Variants in CIAO1 observed in about 807,000 individuals in gnomAD.
CIAO1 encodes the protein probable cytosolic iron-sulfur protein assembly protein CIAO1.
In CIAO1, 32 loss-of-function variants were observed where a neutral mutation model predicts 43.1. The observed-to-expected ratio is 0.74, with a 90% confidence interval of 0.56 to 1.00. The LOEUF is 1.00. CIAO1 is among the 50% of genes least tolerant of loss of function. CIAO1 has a pLI of 0.00. For synonymous variants in CIAO1, 183 were observed against 171.4 expected, an observed-to-expected ratio of 1.07 and a Z score of -0.53; for missense variants, 415 against 437.4, an observed-to-expected ratio of 0.95 and a Z score of 0.46.
intron 1 of CIAO1, among the ~76,000 whole-genome samples, chr2:96,267,044 G>C (rs865796686): frequency 1.0e-4 from 14 of 137,818 alleles, no homozygotes; most frequent in Admixed American, 8.4e-5. Flanking sequence ...TGAGGCAGGA[G>C]AATCCCTTGA....
At position 96,274,059 on chromosome 2, in the gene CIAO1, G is replaced by A. The variant is rs1249068315; in HGVS notation, c.*2708G>A. On this transcript the variant is annotated 3_prime_UTR_variant, in exon 7 of 7. Coordinates refer to ENST00000488633, the MANE Select transcript of CIAO1 (RefSeq NM_004804.3). ...CTCTGTCTCTATTAAGAAAAAAAAT[G>A]TTAACATTATGATTTAAAAGTGCAT... 6.6e-6 allele frequency among the ~76,000 whole-genome samples: 1 copy of A among 150,772 alleles called. No homozygotes were observed. Among genetic ancestry groups the A allele is most frequent in the Non-Finnish European group, 1.5e-5 (1 of 67,828 alleles).
At chr2:96,268,235 C>T (rs1360802055) in intron 4 of CIAO1, among the ~76,000 whole-genome samples, 1 of 152,168 alleles carries the variant, frequency 6.6e-6, no homozygotes, top group Non-Finnish European at 1.5e-5. Context: ...GCCTGTAATC[C>T]CAGCTATTCG....
In CIAO1 at chr2:96,273,614, G is replaced by C. The variant is rs1460708346; in HGVS notation, c.*2263G>C. 4.3e-5 allele frequency among the ~76,000 whole-genome samples: 6 copies of C among 138,908 alleles called. No homozygotes were observed. Among genetic ancestry groups the C allele is most frequent in the Non-Finnish European group, 9.0e-5 (6 of 66,408 alleles). The allele number at this position is 138,908 out of a possible 152,430, so 91.1% of individuals were successfully genotyped here. The stretch of plus-strand genomic sequence containing the variant: ...GGAGGTGGAGGTTGCAGTGAGTCGA[G>C]ATCGTGCCACTGGACTCCAGCCTGG... On this transcript the variant is annotated 3_prime_UTR_variant, in exon 7 of 7. Transcript: ENST00000488633.
intron 6 of CIAO1, among the ~76,000 whole-genome samples, chr2:96,270,725 G>A (rs1396037707): frequency 8.0e-5 from 12 of 150,076 alleles, no homozygotes; most frequent in African/African-American, 2.7e-4. Flanking sequence ...CAGGAGAATC[G>A]CTTGAACCTG....
chr2:96,267,662 A>C lies in CIAO1; in HGVS notation c.326A>C (p.Lys109Thr), dbSNP rs776241325. 1.7e-5 allele frequency: 28 copies of C among 1,614,178 alleles called. No homozygotes were observed. The highest frequency in any genetic ancestry group is 2.0e-5 in the Non-Finnish European group (24 of 1,180,044). The change falls in exon 3 of 7, where the codon AAG becomes ACG. Residue 109 changes from lysine (K) to threonine (T), a missense_variant. Coordinates refer to ENST00000488633, the MANE Select transcript of CIAO1 (RefSeq NM_004804.3). ...CTCGAGGGCCATGAAAATGAGGTCA[A>C]GTCAGTGGCTTGGGCCCCATCTGGC... ...TTLEGHENEV[K>T]SVAWAPSGNL...
At position 96,268,589 on chromosome 2, in the gene CIAO1, C is replaced by T. The variant is rs774622752; in HGVS notation, c.622C>T (p.Arg208Cys). Reference sequence around the variant, plus strand: ...CTTGGCCTTTGACCCGAGTGGCCAGCGCCTGGCGTCTTGTAGTGATGACCG... The same window carrying T: ...CTTGGCCTTTGACCCGAGTGGCCAGTGCCTGGCGTCTTGTAGTGATGACCG... ...WSLAFDPSGQ[R>C]LASCSDDRTV... Residue 208 changes from arginine (R) to cysteine (C), a missense_variant, in exon 5 of 7, where the codon CGC (arginine) becomes TGC (cysteine). By Grantham distance (180) the Arg-to-Cys change is radical. Coordinates refer to ENST00000488633, the MANE Select transcript of CIAO1 (RefSeq NM_004804.3). 1.3e-5 allele frequency: 21 copies of T among 1,614,078 alleles called. No individual in the cohort carries two copies. Among genetic ancestry groups the T allele is most frequent in the Middle Eastern group, 1.6e-4 (1 of 6,084 alleles).
At position 96,267,919 on chromosome 2, in the gene CIAO1, C is replaced by A; in HGVS notation, c.484C>A (p.Gln162Lys). The A allele has an allele frequency of 1.2e-6, 2 of 1,613,848 alleles. No homozygotes were observed. Among genetic ancestry groups the A allele is most frequent in the Non-Finnish European group, 1.7e-6 (2 of 1,179,778 alleles). Residue 162 changes from glutamine to lysine, a missense_variant, in exon 4 of 7, where the codon CAG becomes AAG. By Grantham distance (53) the Gln-to-Lys change is moderately conservative. Coordinates refer to ENST00000488633, the MANE Select transcript of CIAO1 (RefSeq NM_004804.3). ...CAAGCATGTGGTTTGGCACCCAAGT[C>A]AGGAGGTAAGAGTCAAGCAGGGACT... ...DVKHVVWHPS[Q>K]ELLASASYDD...
At chr2:96,268,350 T>G (rs1684477710) in intron 4 of CIAO1, 107 bp from the exon 5 acceptor site, 1 of 989,006 alleles carries the variant, frequency 1.0e-6, no homozygotes. Flanking sequence ...AAACTTCATC[T>G]CAAATAAATA....
intron 6 of CIAO1, 111 bp downstream of exon 6, chr2:96,269,466 C>T: frequency 1.0e-6 from 1 of 955,660 alleles, no homozygotes; most frequent in Non-Finnish European, 1.7e-6. Context: ...GAATTGAGGG[C>T]AGCCACCCCC....
intron 6 of CIAO1, 99 bp from the exon 7 acceptor site, chr2:96,271,012 G>C: frequency 6.9e-7 from 1 of 1,459,680 alleles, no homozygotes; most frequent in Middle Eastern, 1.9e-4. Flanking sequence ...GTTTTTAGCT[G>C]AGGCCTGAAG....
In CIAO1 at chr2:96,271,305, A is replaced by T. The variant is rs1452592873; in HGVS notation, c.974A>T (p.Asp325Val). The T allele has an allele frequency of 6.2e-7, 1 of 1,614,074 alleles. No homozygotes were observed. The highest frequency in any genetic ancestry group is 1.3e-5 in the African/African-American group (1 of 74,940). ...GGGCTACTGGCCTCCTGCAGTGATGATGGGGAGGTGGCCTTCTGGAAGTAT... is the reference window on the plus strand; with the variant it reads ...GGGCTACTGGCCTCCTGCAGTGATGTTGGGGAGGTGGCCTTCTGGAAGTAT... ...EPGLLASCSD[D>V]GEVAFWKYQR... Residue 325 changes from aspartate to valine, a missense_variant, in exon 7 of 7, where the codon GAT (aspartate) becomes GTT (valine). Transcript: ENST00000488633.
chr2:96,271,463 A>C lies in CIAO1; in HGVS notation c.*112A>C. 5.8e-5 allele frequency: 78 copies of C among 1,338,618 alleles called. No homozygotes were observed. Among genetic ancestry groups the C allele is most frequent in the Non-Finnish European group, 7.3e-5 (72 of 988,714 alleles). The allele number at this position is 1,338,618 out of a possible 1,614,324, so 82.9% of individuals were successfully genotyped here. On this transcript the variant is annotated 3_prime_UTR_variant, in exon 7 of 7. Coordinates refer to ENST00000488633, the MANE Select transcript of CIAO1 (RefSeq NM_004804.3). The stretch of plus-strand genomic sequence containing the variant: ...CCTTGACCTTCATTTAACTTGGCTC[A>C]CTTCTCTTCAGACTTGGGTAGAAGT...
intron 5 of CIAO1, 186 bp from the exon 6 acceptor site, chr2:96,269,082 G>A (rs947928088): frequency 8.8e-5 from 55 of 622,994 alleles, no homozygotes; most frequent in African/African-American, 5.9e-4. Context: ...ATGTTTCCTC[G>A]GAATTCTGCT....
At chr2:96,270,669 G>T (rs1215764287) in intron 6 of CIAO1, among the ~76,000 whole-genome samples, 1 of 151,220 alleles carries the variant, frequency 6.6e-6, no homozygotes, top group Non-Finnish European at 1.5e-5. Context: ...AATTAGCCGG[G>T]CATGGTGGCA....
Position 96,273,226 on chromosome 2 carries a change from CCA to C in CIAO1, c.*1876_*1877del, listed in dbSNP as rs1684587651. On this transcript the variant is annotated 3_prime_UTR_variant, in exon 7 of 7. Transcript: ENST00000488633. Reference sequence around the variant, plus strand: ...TGGAAGAATTCAATGAACCATTTTTCCAAGTGACCAGTACGTGATGTTACAAA... The same window carrying C: ...TGGAAGAATTCAATGAACCATTTTTCAGTGACCAGTACGTGATGTTACAAA... 2 of 152,286 alleles carry C rather than the reference CCA, an allele frequency of 1.3e-5. No individual in the cohort carries two copies. Among genetic ancestry groups the C allele is most frequent in the South Asian group, 4.1e-4 (2 of 4,832 alleles). 9.4% of individuals were successfully genotyped at this position (152,286 alleles called of 1,614,324 possible).
intron 5 of CIAO1, 187 bp downstream of exon 5, chr2:96,268,845 G>A: frequency 1.7e-6 from 1 of 603,108 alleles, no homozygotes; most frequent in Non-Finnish European, 2.9e-6. Context: ...ATTTAAAAGG[G>A]TATGTAGGAT....
chr2:96,268,032 T>G, intron 4 of CIAO1, 108 bp downstream of exon 4: 1 of 914,036 alleles, frequency 1.1e-6, no homozygotes, highest in Non-Finnish European at 1.7e-6. Context: ...GAGTTCCATC[T>G]GTGAACAAAA....
At chr2:96,269,168 T>C (rs544643162) in intron 5 of CIAO1, 100 bp from the exon 6 acceptor site, 2 of 959,132 alleles carry the variant, frequency 2.1e-6, no homozygotes, top group Admixed American at 1.7e-5. Flanking sequence ...CACAGACTCA[T>C]AATCAGTTGA....
chr2:96,267,993 C>A, intron 4 of CIAO1, 69 bp downstream of exon 4: 2 of 1,262,432 alleles, frequency 1.6e-6, no homozygotes, highest in Non-Finnish European at 1.2e-6. Context: ...CCTTCCTCTG[C>A]TTTTCAGCCT....
Sources: allele counts gnomAD v4.1 joint callset (sites outside exome capture counted in the v4.1 genomes callset), GRCh38; gene constraint gnomAD v4.1.1; transcripts MANE v1.5; gene names NCBI Gene and HGNC (gene_info 2026-07-23, HGNC 2026-07-21).